Variants in SLC2A13 observed in about 807,000 individuals in gnomAD.
The protein encoded by SLC2A13 is proton myo-inositol cotransporter.
A neutral mutation model predicts 64.4 loss-of-function variants in SLC2A13; 32 were observed. The ratio of observed to expected loss-of-function variants is 0.50; its 90% CI spans 0.37 to 0.67. The LOEUF is 0.67. Ranked by LOEUF, SLC2A13 falls within the 30% of genes least tolerant of loss-of-function variation. The pLI, the probability that SLC2A13 is intolerant of heterozygous loss-of-function variation, is 0.00. For synonymous variants in SLC2A13, 338 were observed against 327.1 expected (o/e 1.03, Z -0.36); for missense variants, 743 against 829.2 (o/e 0.90, Z 1.28).
At chr12:39,896,514 G>GTATATATGTACACATATA (rs1944906129) in intron 4 of SLC2A13, among the ~76,000 whole-genome samples, 1 of 140,778 alleles carries the variant, frequency 7.1e-6, no homozygotes, top group Non-Finnish European at 1.6e-5. Flanking sequence ...ATGTACATGT[G>GTATATATGTACACATATA]TGTATACATG....
intron 7 of SLC2A13, among the ~76,000 whole-genome samples, chr12:39,788,434 A>T (rs571815651): frequency 6.6e-6 from 1 of 152,314 alleles, no homozygotes; most frequent in East Asian, 1.9e-4. Flanking sequence ...TAGCTGAGAC[A>T]GCATGGATAT....
At chr12:39,859,589 C>G (rs1292121953) in intron 6 of SLC2A13, among the ~76,000 whole-genome samples, 2 of 152,188 alleles carry the variant, frequency 1.3e-5, no homozygotes, top group East Asian at 3.8e-4. Flanking sequence ...GTGGCACCAT[C>G]TCAGCTCACT....
intron 3 of SLC2A13, among the ~76,000 whole-genome samples, chr12:39,955,730 C>A (rs1946303844): frequency 6.6e-6 from 1 of 152,070 alleles, no homozygotes; most frequent in African/African-American, 2.4e-5. Context: ...TCACATGTAT[C>A]CTTATCAGGA....
chr12:39,817,913 C>T (rs1942383207), intron 7 of SLC2A13, among the ~76,000 whole-genome samples: 1 of 152,212 alleles, frequency 6.6e-6, no homozygotes. Context: ...CCTGAACTAG[C>T]TTCCAGGATA....
chr12:39,766,187 T>C (rs1293277313), intron 7 of SLC2A13, among the ~76,000 whole-genome samples: 1 of 152,096 alleles, frequency 6.6e-6, no homozygotes, highest in Non-Finnish European at 1.5e-5. Context: ...TGGATTATCC[T>C]TTCAGTATTC....
intron 1 of SLC2A13, among the ~76,000 whole-genome samples, chr12:40,101,741 T>C (rs556308174): frequency 6.6e-6 from 1 of 152,232 alleles, no homozygotes; most frequent in East Asian, 1.9e-4. Flanking sequence ...AAATACTAAT[T>C]TGATTTTTCT....
At chr12:39,833,125 G>A (rs1032172919) in intron 6 of SLC2A13, among the ~76,000 whole-genome samples, 5 of 151,988 alleles carry the variant, frequency 3.3e-5, no homozygotes, top group African/African-American at 7.2e-5. Context: ...AAAATCTGGC[G>A]TACCACTTAC....
intron 4 of SLC2A13, among the ~76,000 whole-genome samples, chr12:39,910,573 C>G (rs7300011): frequency 0.98 from 149,300 of 152,080 alleles, 73,367 homozygotes; most frequent in Middle Eastern, 1. Flanking sequence ...TGCATTCCAT[C>G]TGTTATGGCA....
chr12:39,834,871 A>C (rs1942964060), intron 6 of SLC2A13, among the ~76,000 whole-genome samples: 1 of 152,094 alleles, frequency 6.6e-6, no homozygotes, highest in African/African-American at 2.4e-5. Flanking sequence ...ACAAAACTTT[A>C]AATATCCTGG....
At chr12:39,834,698 C>T (rs1942960284) in intron 6 of SLC2A13, among the ~76,000 whole-genome samples, 1 of 152,004 alleles carries the variant, frequency 6.6e-6, no homozygotes, top group Non-Finnish European at 1.5e-5. Flanking sequence ...CTAATCTGGA[C>T]TAAGCCCTTA....
chr12:40,095,544 G>A (rs752431903), intron 1 of SLC2A13, among the ~76,000 whole-genome samples: 24 of 152,228 alleles, frequency 1.6e-4, no homozygotes, highest in Admixed American at 1.2e-3. Context: ...TCAATGTGAT[G>A]TGGTCTAACT....
intron 7 of SLC2A13, among the ~76,000 whole-genome samples, chr12:39,793,991 AAT>A (rs1399725398): frequency 1.3e-5 from 2 of 151,968 alleles, no homozygotes; most frequent in East Asian, 3.9e-4. Flanking sequence ...AGAACTGTAA[AAT>A]TTTCTGCTCT....
At chr12:39,957,745 G>A (rs775429751) in intron 3 of SLC2A13, among the ~76,000 whole-genome samples, 7 of 152,138 alleles carry the variant, frequency 4.6e-5, no homozygotes, top group Non-Finnish European at 1.0e-4. Flanking sequence ...TTCACTTTAA[G>A]CATTCCTCCT....
chr12:40,033,632 CAT>C (rs1947936554), intron 2 of SLC2A13, among the ~76,000 whole-genome samples: 1 of 152,212 alleles, frequency 6.6e-6, no homozygotes, highest in Non-Finnish European at 1.5e-5. Flanking sequence ...TAAAATACCT[CAT>C]GTGTAAAGGG....
At chr12:40,093,873 G>A (rs1938846748) in intron 1 of SLC2A13, among the ~76,000 whole-genome samples, 1 of 152,234 alleles carries the variant, frequency 6.6e-6, no homozygotes, top group Admixed American at 6.5e-5. Flanking sequence ...TCTGAGGTGG[G>A]GAGCTAATCA....
intron 1 of SLC2A13, among the ~76,000 whole-genome samples, chr12:40,084,871 A>G (rs1384852138): frequency 1.3e-5 from 2 of 152,008 alleles, no homozygotes; most frequent in Non-Finnish European, 2.9e-5. Context: ...GATGACTGGT[A>G]GCCCCTAGGC....
In SLC2A13 at chr12:39,951,374, A is replaced by G; in HGVS notation, c.926-9T>C. On this transcript the variant is annotated splice_polypyrimidine_tract_variant and intron_variant, in intron 3 of 9. Coordinates refer to ENST00000280871, the MANE Select transcript of SLC2A13 (RefSeq NM_052885.4). Reference sequence around the variant, plus strand: ...GCAGATCACAGGTCCAGCTTTTTTAAGAAAGAAAGAAAAAAAAAATACAAC... The same window carrying G: ...GCAGATCACAGGTCCAGCTTTTTTAGGAAAGAAAGAAAAAAAAAATACAAC... 6.6e-7 allele frequency: 1 copy of G among 1,508,872 alleles called. No homozygotes were observed. The highest frequency in any genetic ancestry group is 8.8e-7 in the Non-Finnish European group (1 of 1,130,832). The allele number at this position is 1,508,872 out of a possible 1,614,324, so 93.5% of individuals were successfully genotyped here.
chr12:39,958,305 A>T (rs1565561781), intron 3 of SLC2A13, among the ~76,000 whole-genome samples: 1 of 152,152 alleles, frequency 6.6e-6, no homozygotes, highest in Non-Finnish European at 1.5e-5. Context: ...TCCCAGTGGG[A>T]CAGTGCACGG....
At chr12:39,774,528 G>T (rs1016547384) in intron 7 of SLC2A13, among the ~76,000 whole-genome samples, 1 of 150,484 alleles carries the variant, frequency 6.6e-6, no homozygotes, top group African/African-American at 2.4e-5. Flanking sequence ...TTCCTAGCTT[G>T]CAGTGTGGAG....
Sources: allele counts gnomAD v4.1 joint callset (sites outside exome capture counted in the v4.1 genomes callset), GRCh38; gene constraint gnomAD v4.1.1; transcripts MANE v1.5; gene names NCBI Gene and HGNC (gene_info 2026-07-23, HGNC 2026-07-21).